The following AS3MT variants were observed in gnomAD, a reference collection of about 807,000 sequenced individuals.
AS3MT encodes the protein arsenite methyltransferase.
A neutral mutation model predicts 45.3 loss-of-function variants in AS3MT; 47 were observed. That is an observed-to-expected ratio of 1.04 (90% CI 0.82 to 1.32). The LOEUF (loss-of-function observed/expected upper bound fraction) is 1.32. Among genes scored for constraint, AS3MT ranks in the 40% most tolerant of loss-of-function variants. The probability of loss-of-function intolerance (pLI) is 0.00; values close to 1 mark genes in which losing one functional copy is unlikely to be tolerated. For missense variants in AS3MT, 396 were observed against 451.1 expected (o/e 0.88, Z 1.11); for synonymous variants, 141 against 152.8 (o/e 0.92, Z 0.57).
chr10:102,871,546 CAAAAAAAAAAAAAAAA>C (rs748797211), intron 3 of AS3MT, among the ~76,000 whole-genome samples: 3 of 23,266 alleles, frequency 1.3e-4, no homozygotes, highest in Non-Finnish European at 2.1e-4. Flanking sequence ...GACTCCGTCT[CAAAAAAAAAAAAAAAA>C]AAAAAAAAAA....
intron 10 of AS3MT, among the ~76,000 whole-genome samples, chr10:102,895,279 C>G (rs928984072): frequency 3.9e-5 from 6 of 151,904 alleles, no homozygotes; most frequent in Admixed American, 1.3e-4. Flanking sequence ...CTCACTGCAG[C>G]CTCTGCCTCC....
chr10:102,888,710 C>T (rs1393884740), intron 9 of AS3MT, among the ~76,000 whole-genome samples: 5 of 150,478 alleles, frequency 3.3e-5, no homozygotes, highest in Non-Finnish European at 5.9e-5. Flanking sequence ...CATGAGCCAC[C>T]ACACCTGGCC....
Position 102,900,920 on chromosome 10 carries a change from C to T in AS3MT, c.*220C>T, listed in dbSNP as rs751474682. 7 of 396,698 alleles carry T rather than the reference C, an allele frequency of 1.8e-5. No homozygotes were observed. Among genetic ancestry groups the T allele is most frequent in the East Asian group, 4.6e-5 (1 of 21,548 alleles). 24.6% of individuals were successfully genotyped at this position (396,698 alleles called of 1,614,324 possible). ...CCAACATGGTGAAATCCTGTCTCTA[C>T]CAAAAATACAAAAAAAATTAGCTGG... On this transcript the variant is annotated 3_prime_UTR_variant, in exon 11 of 11. Transcript: ENST00000369880.
intron 9 of AS3MT, among the ~76,000 whole-genome samples, chr10:102,883,861 A>G (rs562938300): frequency 6.6e-6 from 1 of 152,234 alleles, no homozygotes; most frequent in East Asian, 1.9e-4. Flanking sequence ...TACATTATGG[A>G]ATGACTAAAT....
chr10:102,876,695 G>A (rs1177363246), intron 6 of AS3MT, among the ~76,000 whole-genome samples: 1 of 152,126 alleles, frequency 6.6e-6, no homozygotes, highest in Non-Finnish European at 1.5e-5. Flanking sequence ...TAAGTAACCT[G>A]AAAATCTTTA....
chr10:102,889,132 C>T (rs758038969), intron 9 of AS3MT, among the ~76,000 whole-genome samples: 1 of 151,886 alleles, frequency 6.6e-6, no homozygotes, highest in Non-Finnish European at 1.5e-5. Flanking sequence ...CCTTGTGATC[C>T]ACCCACCTCG....
At position 102,881,271 on chromosome 10, in the gene AS3MT, G is replaced by A. The variant is rs1426236488; in HGVS notation, c.885+2280G>A. Among the ~76,000 whole-genome samples, 2 of 152,118 alleles carry A rather than the reference G, an allele frequency of 1.3e-5. No homozygotes were observed. Among genetic ancestry groups the A allele is most frequent in the Admixed American group, 6.6e-5 (1 of 15,262 alleles). On this transcript the variant is annotated intron_variant, in intron 9 of 10. Coordinates refer to ENST00000369880, the MANE Select transcript of AS3MT (RefSeq NM_020682.4). The surrounding 1 kb of genome is among the most constrained non-coding windows in gnomAD (Gnocchi z 4.2). Reference sequence around the variant, plus strand: ...ATTCTGCTTTGGATCAAAGTTTATAGAACACTACTTAATGGAAACTAGTGG... The same window carrying A: ...ATTCTGCTTTGGATCAAAGTTTATAAAACACTACTTAATGGAAACTAGTGG...
At chr10:102,897,151 G>C (rs578031321) in intron 10 of AS3MT, among the ~76,000 whole-genome samples, 2 of 152,010 alleles carry the variant, frequency 1.3e-5, no homozygotes, top group Non-Finnish European at 2.9e-5. Flanking sequence ...TGGGGAGGCC[G>C]AGGCGGGTGG....
intron 6 of AS3MT, 52 bp downstream of exon 6, chr10:102,874,713 G>T: frequency 7.7e-7 from 1 of 1,299,266 alleles, no homozygotes. Context: ...AGAGCTGATG[G>T]GTTAAGTCTT....
At chr10:102,873,534 C>T (rs11191430) in intron 5 of AS3MT, among the ~76,000 whole-genome samples, 7,384 of 152,288 alleles carry the variant, frequency 0.048, 253 homozygotes, top group Middle Eastern at 0.078. Flanking sequence ...GATCCACCCG[C>T]TTCCACCTCC....
At position 102,881,871 on chromosome 10, in the gene AS3MT, G is replaced by A. The variant is rs960618483; in HGVS notation, c.885+2880G>A. ...CCATCTCAGCCTCCCAAGTAGCTGG[G>A]ACTACAGGCATGTGTCACCATGCCT... On this transcript the variant is annotated intron_variant, in intron 9 of 10. Transcript: ENST00000369880. This position sits in a 1 kb window ranked among gnomAD's most constrained non-coding sequence, Gnocchi z 4.2. Among the ~76,000 whole-genome samples the A allele has an allele frequency of 1.3e-5, 2 of 151,646 alleles. No individual in the cohort carries two copies. The highest frequency in any genetic ancestry group is 3.9e-4 in the East Asian group (2 of 5,168).
chr10:102,873,594 C>T (rs1844732412), intron 5 of AS3MT, among the ~76,000 whole-genome samples: 1 of 152,098 alleles, frequency 6.6e-6, no homozygotes, highest in Admixed American at 6.6e-5. Context: ...CCCTCATTTC[C>T]TTTTGAACAC....
chr10:102,894,745 G>T (rs976955530), intron 10 of AS3MT, among the ~76,000 whole-genome samples: 1 of 152,066 alleles, frequency 6.6e-6, no homozygotes, highest in Non-Finnish European at 1.5e-5. Flanking sequence ...TAAAACCTTG[G>T]TCTCCACAAT....
intron 6 of AS3MT, 80 bp downstream of exon 6, chr10:102,874,741 C>T (rs1250655523): frequency 2.8e-6 from 3 of 1,063,254 alleles, no homozygotes; most frequent in Non-Finnish European, 4.3e-6. Flanking sequence ...CCCCCTTGAA[C>T]TAAGAGCTCA....
chr10:102,896,917 A>G (rs926689207), intron 10 of AS3MT, among the ~76,000 whole-genome samples: 1 of 152,198 alleles, frequency 6.6e-6, no homozygotes, highest in Non-Finnish European at 1.5e-5. Flanking sequence ...TGGAAAGTAG[A>G]CAGATTTGGC....
At chr10:102,877,691 A>G (rs1034270058) in intron 7 of AS3MT, among the ~76,000 whole-genome samples, 1 of 151,114 alleles carries the variant, frequency 6.6e-6, no homozygotes, top group Non-Finnish European at 1.5e-5. Flanking sequence ...TGGGTGTCAT[A>G]GTAAAACCCT....
intron 10 of AS3MT, among the ~76,000 whole-genome samples, chr10:102,895,002 G>A (rs1845139722): frequency 6.6e-6 from 1 of 152,204 alleles, no homozygotes; most frequent in South Asian, 2.1e-4. Flanking sequence ...CAGATCTCCT[G>A]AGGGCTGTGT....
At chr10:102,890,480 C>A in intron 9 of AS3MT, 64 bp from the exon 10 acceptor site, 1 of 1,387,072 alleles carries the variant, frequency 7.2e-7, no homozygotes, top group Non-Finnish European at 9.8e-7. Context: ...TACTTCTGGG[C>A]ATTTTTTCTT....
intron 10 of AS3MT, among the ~76,000 whole-genome samples, chr10:102,896,332 C>CAAAAAA (rs899491110): frequency 3.2e-5 from 2 of 63,368 alleles, no homozygotes; most frequent in Non-Finnish European, 3.3e-5. Flanking sequence ...GACCCTGCCT[C>CAAAAAA]AAAAAAAAAA....
Sources: gnomAD v4.1 joint callset for allele counts (sites outside exome capture counted in the v4.1 genomes callset) on GRCh38, gnomAD v4.1.1 for gene constraint, Gnocchi (gnomAD v3.1) non-coding constraint, MANE v1.5 for transcripts, NCBI Gene and HGNC (gene_info 2026-07-23, HGNC 2026-07-21) for gene names.